LYZL4: variants seen among roughly 807,000 people sequenced by gnomAD.
LYZL4 encodes the protein lysozyme like 4.
LYZL4 carries 13 observed loss-of-function variants against 17.6 expected under a neutral mutation model. The ratio of observed to expected loss-of-function variants is 0.74; its 90% CI spans 0.48 to 1.18. The LOEUF (loss-of-function observed/expected upper bound fraction) is 1.18. Among genes scored for constraint, LYZL4 ranks in the 50% most tolerant of loss-of-function variants. The pLI, the probability that LYZL4 is intolerant of heterozygous loss-of-function variation, is 0.00. For missense variants in LYZL4, 174 were observed against 188.2 expected (o/e 0.92, Z 0.44); for synonymous variants, 64 against 67.7 (o/e 0.95, Z 0.27).
chr3:42,376,622 G>A, the LYZL4 span, among the ~76,000 whole-genome samples: 2 of 152,226 alleles, frequency 1.3e-5, no homozygotes, highest in Non-Finnish European at 2.9e-5. Flanking sequence ...ACCCCAACGA[G>A]TGACTCATTC....
chr3:42,370,297 C>T, the LYZL4 span, among the ~76,000 whole-genome samples: 2 of 138,566 alleles, frequency 1.4e-5, no homozygotes, highest in African/African-American at 5.4e-5. Context: ...CCACCCCCAA[C>T]CATGGACTCC....
intron 4 of LYZL4, among the ~76,000 whole-genome samples, chr3:42,402,390 C>A (rs1319367348): frequency 1.3e-5 from 2 of 148,436 alleles, no homozygotes; most frequent in South Asian, 4.2e-4. Flanking sequence ...AAGATAGTTG[C>A]AATACATATA....
At chr3:42,383,232 C>T in the LYZL4 span, among the ~76,000 whole-genome samples, 110 of 152,204 alleles carry the variant, frequency 7.2e-4, no homozygotes, top group Non-Finnish European at 8.7e-4. Context: ...CTCAACCTTC[C>T]TCCCAAACTG....
downstream of LYZL4, among the ~76,000 whole-genome samples, chr3:42,396,727 T>C (rs1577149790): frequency 6.6e-6 from 1 of 152,256 alleles, no homozygotes; most frequent in African/African-American, 2.4e-5. Context: ...ATGTGTTATT[T>C]ATAACTTTCA....
At chr3:42,391,603 T>A in the LYZL4 span, among the ~76,000 whole-genome samples, 2 of 152,092 alleles carry the variant, frequency 1.3e-5, no homozygotes, top group East Asian at 3.9e-4. Context: ...ATGCTTCCAA[T>A]AAAGTGGATT....
chr3:42,389,357 G>T, the LYZL4 span, among the ~76,000 whole-genome samples: 1 of 152,200 alleles, frequency 6.6e-6, no homozygotes, highest in Non-Finnish European at 1.5e-5. Context: ...GAGTTGCTGG[G>T]AAGTTGGCAG....
chr3:42,407,620 C>T lies in LYZL4; in HGVS notation c.-92-277G>A, dbSNP rs145013491. 56 of 210,532 alleles carry T rather than the reference C, an allele frequency of 2.7e-4. 1 individual carries two copies. The East Asian group carries it at 6.5e-3, about 24-fold the overall frequency. The allele number at this position is 210,532 out of a possible 1,614,324, so 13.0% of individuals were successfully genotyped here. On this transcript the variant is annotated intron_variant, in intron 1 of 4. Coordinates refer to ENST00000287748, the MANE Select transcript of LYZL4 (RefSeq NM_144634.4). Reference sequence around the variant, plus strand: ...ACTCATTTCACTCTGACATTAGATACAGATGCTCAAGACCTTTCTTCCCTT... The same window carrying T: ...ACTCATTTCACTCTGACATTAGATATAGATGCTCAAGACCTTTCTTCCCTT...
chr3:42,370,344 G>A, the LYZL4 span, among the ~76,000 whole-genome samples: 2 of 143,716 alleles, frequency 1.4e-5, no homozygotes, highest in South Asian at 4.4e-4. Flanking sequence ...TCCAGGACAT[G>A]CCCTGGCCAA....
chr3:42,402,663 A>G (rs1362244960), intron 4 of LYZL4, among the ~76,000 whole-genome samples: 1 of 152,232 alleles, frequency 6.6e-6, no homozygotes, highest in Non-Finnish European at 1.5e-5. Flanking sequence ...ATAATTTCTG[A>G]TGGCAGTGTA....
chr3:42,398,012 C>G (rs1028281432), intron 4 of LYZL4, among the ~76,000 whole-genome samples: 2 of 152,164 alleles, frequency 1.3e-5, no homozygotes, highest in African/African-American at 4.8e-5. Context: ...TTCGTCATCC[C>G]ACCCCTCAGC....
the LYZL4 span, among the ~76,000 whole-genome samples, chr3:42,390,095 T>C: frequency 6.6e-6 from 1 of 152,186 alleles, no homozygotes; most frequent in Non-Finnish European, 1.5e-5. Context: ...TCTATGCTGA[T>C]TTATGGGAGG....
chr3:42,375,000 C>T, the LYZL4 span, among the ~76,000 whole-genome samples: 2 of 152,096 alleles, frequency 1.3e-5, no homozygotes, highest in South Asian at 2.1e-4. Context: ...TAGTGGAGAC[C>T]AGGTTTCACC....
chr3:42,407,020 G>A (rs1267459037), intron 2 of LYZL4, 22 bp from the exon 3 acceptor site: 1 of 1,614,116 alleles, frequency 6.2e-7, no homozygotes, highest in Non-Finnish European at 8.5e-7. Context: ...CAGAAGGTGT[G>A]TGACTCTGAG....
downstream of LYZL4, among the ~76,000 whole-genome samples, chr3:42,393,373 C>T (rs1319216793): frequency 6.7e-6 from 1 of 148,240 alleles, no homozygotes; most frequent in Non-Finnish European, 1.5e-5. Context: ...ACAACCAGGC[C>T]CTCCTGGTGG....
downstream of LYZL4, among the ~76,000 whole-genome samples, chr3:42,392,548 G>C (rs541376664): frequency 6.6e-5 from 10 of 152,272 alleles, no homozygotes; most frequent in South Asian, 2.1e-3. Flanking sequence ...ACAGCTACTT[G>C]GGTGCAAACA....
the LYZL4 span, among the ~76,000 whole-genome samples, chr3:42,363,619 CCCACATTCT>C: frequency 6.6e-6 from 1 of 152,110 alleles, no homozygotes; most frequent in Non-Finnish European, 1.5e-5. Context: ...AAGCATCAAT[CCCACATTCT>C]CTGTTGAAAC....
At chr3:42,409,642 A>G (rs1240333118) in intron 1 of LYZL4, among the ~76,000 whole-genome samples, 1 of 152,108 alleles carries the variant, frequency 6.6e-6, no homozygotes, top group Non-Finnish European at 1.5e-5. Context: ...AATCCAGACC[A>G]CCATCACCTC....
the LYZL4 span, among the ~76,000 whole-genome samples, chr3:42,384,718 A>G: frequency 2.0e-5 from 3 of 152,248 alleles, no homozygotes; most frequent in Admixed American, 6.5e-5. Flanking sequence ...GCATTTTCAC[A>G]GTCACAGTGA....
intron 4 of LYZL4, among the ~76,000 whole-genome samples, chr3:42,402,151 A>AG (rs1698665806): frequency 6.6e-6 from 1 of 150,726 alleles, no homozygotes; most frequent in South Asian, 2.1e-4. Context: ...AAAAAAAAAA[A>AG]AAAAAAGAGC....
Sources: gnomAD v4.1 joint callset for allele counts (sites outside exome capture counted in the v4.1 genomes callset) on GRCh38, gnomAD v4.1.1 for gene constraint, MANE v1.5 for transcripts, NCBI Gene and HGNC (gene_info 2026-07-23, HGNC 2026-07-21) for gene names.